ABCC8: variants seen among roughly 807,000 people sequenced by gnomAD.
ABCC8 encodes ATP-binding cassette sub-family C member 8.
Under a neutral mutation model 188.0 loss-of-function variants are expected in ABCC8, and 137 were observed. The observed-to-expected ratio is 0.73, with a 90% CI of 0.63 to 0.84. The LOEUF is 0.84. Ranked by LOEUF, ABCC8 falls within the 40% of genes least tolerant of loss-of-function variation. The pLI is 0.00. For synonymous variants in ABCC8, 797 were observed against 846.5 expected (o/e 0.94, Z 1.01); for missense variants, 1,750 against 2,072.7 (o/e 0.84, Z 3.02).
intron 29 of ABCC8, among the ~76,000 whole-genome samples, chr11:17,399,656 A>G (rs1249638694): frequency 6.6e-6 from 1 of 152,186 alleles, no homozygotes; most frequent in Non-Finnish European, 1.5e-5. Flanking sequence ...TCTGCTGTAC[A>G]TGCATTTCTC....
chr11:17,453,701 C>A (rs540946741), intron 6 of ABCC8, among the ~76,000 whole-genome samples: 6 of 152,254 alleles, frequency 3.9e-5, no homozygotes, highest in African/African-American at 1.4e-4. Context: ...TCCCTTGTTC[C>A]GAACTTACCA....
chr11:17,415,374 A>G, intron 17 of ABCC8, 35 bp from the exon 18 acceptor site: 1 of 1,604,786 alleles, frequency 6.2e-7, no homozygotes, highest in Non-Finnish European at 8.5e-7. Context: ...CTGAGCTCTC[A>G]TGGGAGTGAA....
In ABCC8 at chr11:17,397,007, T is replaced by A. The variant is rs886039301; in HGVS notation, c.4028A>T (p.Lys1343Met). ...LIPKNWPDQG[K>M]IQIQNLSVRY... Reference sequence around the variant, plus strand: ...CACGCTCAGGTTCTGGATCTGGATCTTCCCTTGGTCTGGCCAGTTCTTTGG... The same window carrying A: ...CACGCTCAGGTTCTGGATCTGGATCATCCCTTGGTCTGGCCAGTTCTTTGG... The change falls in exon 33 of 39, where the codon AAG becomes ATG. Residue 1343 changes from lysine to methionine, a missense_variant. By Grantham distance (95) the Lys-to-Met change is moderately conservative. Coordinates refer to ENST00000389817, the MANE Select transcript of ABCC8 (RefSeq NM_000352.6). 1 of 1,614,084 alleles carries A rather than the reference T, an allele frequency of 6.2e-7. No individual in the cohort carries two copies. The highest frequency in any genetic ancestry group is 1.3e-5 in the African/African-American group (1 of 74,936).
chr11:17,437,992 T>C (rs757958224), intron 10 of ABCC8, among the ~76,000 whole-genome samples: 1 of 152,126 alleles, frequency 6.6e-6, no homozygotes, highest in Admixed American at 6.5e-5. Context: ...TCCCAGCTAC[T>C]TGGGAGGCTG....
intron 2 of ABCC8, among the ~76,000 whole-genome samples, chr11:17,473,269 G>C (rs920185883): frequency 6.6e-6 from 1 of 152,100 alleles, no homozygotes; most frequent in Non-Finnish European, 1.5e-5. Context: ...AAGGGGTGTA[G>C]GGGTGGGGGT....
In ABCC8 at chr11:17,406,723, C is replaced by A. The variant is rs368587840; in HGVS notation, c.3228G>T (p.Val1076=). ...VFTVLCSLGI[V]LCLVTSVTVE... is the part of the protein sequence containing the mutation. ...CAGTGACAGACGTGACGAGGCACAG[C>A]ACAATGCCCAGGCTGCAGAGCACCG... The change falls in exon 26 of 39, where the codon GTG becomes GTT. Residue 1076 remains valine (V), a synonymous_variant. Transcript: ENST00000389817. The A allele has an allele frequency of 1.9e-6, 3 of 1,614,094 alleles. No individual in the cohort carries two copies. The highest frequency in any genetic ancestry group is 1.7e-5 in the Admixed American group (1 of 60,004).
chr11:17,414,059 G>A (rs1257530902), intron 19 of ABCC8, among the ~76,000 whole-genome samples: 1 of 152,188 alleles, frequency 6.6e-6, no homozygotes, highest in Non-Finnish European at 1.5e-5. Context: ...TGTAGAGTGG[G>A]AATAACAATA....
Position 17,406,629 on chromosome 11 carries a change from G to A in ABCC8, c.3322C>T (p.Pro1108Ser). Reference sequence around the variant, plus strand: ...GCCAGGGGAGACGGGTACCTCATGGGGGCTAGGATGATCCGGTTTAGCAGG... The same window carrying A: ...GCCAGGGGAGACGGGTACCTCATGGAGGCTAGGATGATCCGGTTTAGCAGG... ...RSLLNRIILA[P>S]MRFFETTPLG... The change falls in exon 26 of 39, where the codon CCC (proline) becomes TCC (serine). Residue 1108 changes from proline (P) to serine (S), a missense_variant. Transcript: ENST00000389817. The A allele has an allele frequency of 6.2e-7, 1 of 1,613,842 alleles. No individual in the cohort carries two copies. The highest frequency in any genetic ancestry group is 8.5e-7 in the Non-Finnish European group (1 of 1,179,772).
chr11:17,434,351 G>T (rs1955984337), intron 10 of ABCC8, among the ~76,000 whole-genome samples: 1 of 152,218 alleles, frequency 6.6e-6, no homozygotes, highest in Non-Finnish European at 1.5e-5. Context: ...AAGCAATCTG[G>T]TGCTTTGTAG....
intron 2 of ABCC8, among the ~76,000 whole-genome samples, chr11:17,470,698 G>A (rs536925101): frequency 6.6e-6 from 1 of 152,212 alleles, no homozygotes; most frequent in East Asian, 1.9e-4. Context: ...GGTACTCTTA[G>A]TCTCCCATTT....
intron 29 of ABCC8, 146 bp downstream of exon 29, chr11:17,402,515 C>A: frequency 1.3e-6 from 2 of 1,532,482 alleles, no homozygotes; most frequent in Non-Finnish European, 8.8e-7. Flanking sequence ...TGGTGGATAT[C>A]CCTTGGGCCT....
At chr11:17,448,118 C>CTT in intron 8 of ABCC8, 14 of 176,908 alleles carry the variant, frequency 7.9e-5, no homozygotes, top group Admixed American at 2.3e-4. Flanking sequence ...TTTCTTTCTT[C>CTT]TTTTTTTTTT....
At chr11:17,460,128 T>A (rs996338454) in intron 6 of ABCC8, among the ~76,000 whole-genome samples, 3 of 152,202 alleles carry the variant, frequency 2.0e-5, no homozygotes, top group Non-Finnish European at 4.4e-5. Context: ...TGAAAACTTT[T>A]AAAGAGTTTA....
At chr11:17,448,839 T>A (rs77466400) in intron 7 of ABCC8, 168 bp from the exon 8 acceptor site, 1 of 442,634 alleles carries the variant, frequency 2.3e-6, no homozygotes, top group Non-Finnish European at 3.0e-6. Context: ...ACTAGTCTAC[T>A]CCAGCACAGC....
Position 17,398,420 on chromosome 11 carries a change from C to T in ABCC8, c.3672G>A (p.Gln1224=). Reference sequence around the variant, plus strand: ...TGGAGTCTGTGTATTCGAGAAGCTTCTGCTGGAACCGGGCCTCATACCTGG... The same window carrying T: ...TGGAGTCTGTGTATTCGAGAAGCTTTTGCTGGAACCGGGCCTCATACCTGG... ...RAFRYEARFQ[Q]KLLEYTDSNN... The change falls in exon 30 of 39, where the codon CAG becomes CAA. Residue 1224 remains glutamine (Q), a synonymous_variant. Coordinates refer to ENST00000389817, the MANE Select transcript of ABCC8 (RefSeq NM_000352.6). 6.2e-7 allele frequency: 1 copy of T among 1,614,134 alleles called. No individual in the cohort carries two copies.
chr11:17,437,860 A>G (rs1415299631), intron 10 of ABCC8, among the ~76,000 whole-genome samples: 4 of 152,324 alleles, frequency 2.6e-5, no homozygotes, highest in African/African-American at 9.6e-5. Context: ...GCATTTTGGG[A>G]GGCCAAGGCA....
intron 10 of ABCC8, among the ~76,000 whole-genome samples, chr11:17,438,384 T>C (rs60105962): frequency 0.46 from 69,031 of 151,486 alleles, 16,971 homozygotes; most frequent in African/African-American, 0.66. Context: ...GACCACATGG[T>C]CACTATTCAT....
At position 17,414,581 on chromosome 11, in the gene ABCC8, T is replaced by G; in HGVS notation, c.2321A>C (p.Gln774Pro). 6.2e-7 allele frequency: 1 copy of G among 1,614,244 alleles called. No individual in the cohort carries two copies. Among genetic ancestry groups the G allele is most frequent in the Non-Finnish European group, 8.5e-7 (1 of 1,180,042 alleles). ...RKRGPVAYASQKPWLLNATVE... is the reference protein window; with the variant it reads ...RKRGPVAYASPKPWLLNATVE... ...AGTGGCATTTAGCAGCCATGGTTTC[T>G]GCGAAGCATAGGCCACGGGGCCTCT... is the stretch of plus-strand genomic sequence containing the variant. The change falls in exon 19 of 39, where the codon CAG becomes CCG. Residue 774 changes from glutamine to proline, a missense_variant. Transcript: ENST00000389817.
At chr11:17,466,801 A>G (rs1211275015) in intron 3 of ABCC8, among the ~76,000 whole-genome samples, 4 of 151,750 alleles carry the variant, frequency 2.6e-5, no homozygotes, top group Non-Finnish European at 4.4e-5. Flanking sequence ...AAGTAGCTGG[A>G]ACTACAGGTG....
Sources: gnomAD v4.1 joint callset for allele counts (sites outside exome capture counted in the v4.1 genomes callset) on GRCh38, gnomAD v4.1.1 for gene constraint, MANE v1.5 for transcripts, NCBI Gene and HGNC (gene_info 2026-07-23, HGNC 2026-07-21) for gene names.